Variants in COL23A1 observed in about 807,000 individuals in gnomAD.
The protein encoded by COL23A1 is collagen alpha-1(XXIII) chain.
Under a neutral mutation model 99.3 loss-of-function variants are expected in COL23A1, and 97 were observed. That is an observed-to-expected ratio of 0.98 (90% CI 0.83 to 1.16). The LOEUF (loss-of-function observed/expected upper bound fraction) is 1.16. Ranked by LOEUF, COL23A1 falls within the 50% of genes most tolerant of loss-of-function variation. COL23A1 has a pLI of 0.00. For synonymous variants in COL23A1, 320 were observed against 308.2 expected (o/e 1.04, Z -0.40); for missense variants, 762 against 757.4 (o/e 1.01, Z -0.07).
At position 178,522,785 on chromosome 5, in the gene COL23A1, G is replaced by A. The variant is rs139033967; in HGVS notation, c.361+37897C>T. On this transcript the variant is annotated intron_variant, in intron 2 of 28. Coordinates refer to ENST00000390654, the MANE Select transcript of COL23A1 (RefSeq NM_173465.4). ...ACAAGAGCACTGCCCAGGACCAGAC[G>A]TGGCCTACGGGGACTGCCAGTGAGC... Among the ~76,000 whole-genome samples, 352 of 152,208 alleles carry A rather than the reference G, an allele frequency of 2.3e-3. 2 individuals carry two copies. Among genetic ancestry groups the A allele is most frequent in the African/African-American group, 7.5e-3 (312 of 41,534 alleles).
intron 2 of COL23A1, among the ~76,000 whole-genome samples, chr5:178,385,914 A>AT (rs1763645305): frequency 6.6e-6 from 1 of 151,972 alleles, no homozygotes; most frequent in Non-Finnish European, 1.5e-5. Flanking sequence ...TATTTCACTG[A>AT]TTTTCCCTAC....
intron 2 of COL23A1, among the ~76,000 whole-genome samples, chr5:178,377,758 C>CCCTCTA (rs1763157541): frequency 6.6e-6 from 1 of 152,174 alleles, no homozygotes; most frequent in African/African-American, 2.4e-5. Context: ...GCAGGGCAGG[C>CCCTCTA]CGAGGGGACT....
At chr5:178,254,493 A>G (rs1016142958) in intron 16 of COL23A1, among the ~76,000 whole-genome samples, 18 of 151,938 alleles carry the variant, frequency 1.2e-4, no homozygotes, top group Non-Finnish European at 2.6e-4. Flanking sequence ...GCCTCTCTCC[A>G]CTGGTGGTAA....
In COL23A1 at chr5:178,258,236, A is replaced by AATATATATATATATATATATATATAT. The variant is rs70994992; in HGVS notation, c.730-695_730-670dup. Among the ~76,000 whole-genome samples the AATATATATATATATATATATATATAT allele has an allele frequency of 6.5e-4, 47 of 71,916 alleles. 1 individual carries two copies. Among genetic ancestry groups the AATATATATATATATATATATATATAT allele is most frequent in the African/African-American group, 2.1e-3 (42 of 19,842 alleles). The allele number at this position is 71,916 out of a possible 152,430, so 47.2% of individuals were successfully genotyped here. A position where few individuals can be genotyped will look rare whatever the true frequency, so the allele number is the denominator to read the frequency against. On this transcript the variant is annotated intron_variant, in intron 12 of 28. Transcript: ENST00000390654. Reference sequence around the variant, plus strand: ...GTGACAGAGTGAGATCCTGTCTTAAAATATATATATATATATATATATATA... The same window carrying AATATATATATATATATATATATATAT: ...GTGACAGAGTGAGATCCTGTCTTAAAATATATATATATATATATATATATATATATATATATATATATATATATATA...
At position 178,384,023 on chromosome 5, in the gene COL23A1, G is replaced by A. The variant is rs1036149363; in HGVS notation, c.362-77104C>T. ...CCACGCTGTGTGACACGGGGGCCCA[G>A]GACTCCACCAGGCGGCCTGTGCAAG... On this transcript the variant is annotated intron_variant, in intron 2 of 28. Coordinates refer to ENST00000390654, the MANE Select transcript of COL23A1 (RefSeq NM_173465.4). The surrounding 1 kb of genome is among the most constrained non-coding windows in gnomAD (Gnocchi z 5.5). Among the ~76,000 whole-genome samples the A allele has an allele frequency of 6.6e-6, 1 of 152,204 alleles. No individual in the cohort carries two copies.
At chr5:178,497,346 A>G (rs1174895564) in intron 2 of COL23A1, among the ~76,000 whole-genome samples, 1 of 152,200 alleles carries the variant, frequency 6.6e-6, no homozygotes, top group Non-Finnish European at 1.5e-5. Flanking sequence ...ATCCTCAGAA[A>G]TGGCTCATAT....
chr5:178,573,962 G>A (rs1029276771), intron 1 of COL23A1, among the ~76,000 whole-genome samples: 3 of 151,990 alleles, frequency 2.0e-5, no homozygotes, highest in Admixed American at 1.3e-4. Flanking sequence ...AGGTTCAAGC[G>A]ATTCTCCTGC....
chr5:178,325,757 C>T (rs1312209935), intron 2 of COL23A1, among the ~76,000 whole-genome samples: 2 of 152,236 alleles, frequency 1.3e-5, no homozygotes, highest in African/African-American at 4.8e-5. Context: ...CCAAGGTGGA[C>T]ATTCACCAAT....
intron 1 of COL23A1, among the ~76,000 whole-genome samples, chr5:178,565,434 T>C (rs1484283154): frequency 1.3e-5 from 2 of 152,178 alleles, no homozygotes; most frequent in Admixed American, 1.3e-4. Flanking sequence ...ACAGCTTCTC[T>C]GCTCCCCTTC....
chr5:178,405,032 C>T (rs1328246346), intron 2 of COL23A1, among the ~76,000 whole-genome samples: 5 of 152,350 alleles, frequency 3.3e-5, no homozygotes, highest in Admixed American at 6.5e-5. Context: ...GTGCCCCTGC[C>T]GCCATGATCC....
At chr5:178,389,629 G>A (rs1763859717) in intron 2 of COL23A1, among the ~76,000 whole-genome samples, 1 of 152,160 alleles carries the variant, frequency 6.6e-6, no homozygotes, top group Admixed American at 6.5e-5. Flanking sequence ...GACTTGCATT[G>A]GTTAAATGTG....
At chr5:178,289,911 C>T (rs1430853704) in intron 4 of COL23A1, among the ~76,000 whole-genome samples, 1 of 152,086 alleles carries the variant, frequency 6.6e-6, no homozygotes, top group Non-Finnish European at 1.5e-5. Context: ...CTGATTTTTT[C>T]CCCCCAAACA....
intron 3 of COL23A1, among the ~76,000 whole-genome samples, chr5:178,295,282 T>C (rs1185414132): frequency 6.6e-6 from 1 of 152,050 alleles, no homozygotes. Context: ...TCTCAAAACA[T>C]CAGCAACCTA....
rs964946083 is a variant in COL23A1, at chr5:178,238,711, A to G, written c.1621-11T>C. 2 of 1,612,210 alleles carry G rather than the reference A, an allele frequency of 1.2e-6. No homozygotes were observed. Among genetic ancestry groups the G allele is most frequent in the Non-Finnish European group, 1.7e-6 (2 of 1,179,986 alleles). ...TGGGCCTGTGGGTCACTGGAAAAGG[A>G]GGAAGAGACTGAAGGTGACGAGGAG... On this transcript the variant is annotated splice_polypyrimidine_tract_variant and intron_variant, in intron 28 of 28. Transcript: ENST00000390654.
At chr5:178,588,000 C>A (rs759119296) in intron 1 of COL23A1, among the ~76,000 whole-genome samples, 3 of 152,248 alleles carry the variant, frequency 2.0e-5, no homozygotes, top group Admixed American at 6.5e-5. Flanking sequence ...ACACTCCACG[C>A]ACAGCATGCG....
chr5:178,300,312 C>T (rs1241530709), intron 3 of COL23A1, among the ~76,000 whole-genome samples: 5 of 151,782 alleles, frequency 3.3e-5, no homozygotes, highest in South Asian at 2.1e-4. Context: ...GTGATCCACC[C>T]GCCTCAGCCT....
intron 2 of COL23A1, among the ~76,000 whole-genome samples, chr5:178,347,521 A>C (rs532497331): frequency 1.2e-4 from 19 of 152,134 alleles, no homozygotes; most frequent in African/African-American, 4.1e-4. Context: ...ACAGTGTGTG[A>C]ATACACTAAA....
Position 178,309,050 on chromosome 5 carries a change from A to AG in COL23A1, c.362-2132dup. On this transcript the variant is annotated intron_variant, in intron 2 of 28. Coordinates refer to ENST00000390654, the MANE Select transcript of COL23A1 (RefSeq NM_173465.4). This position sits in a 1 kb window ranked among gnomAD's most constrained non-coding sequence, Gnocchi z 4.7. Reference sequence around the variant, plus strand: ...GCAGAGTGAGGGGGCATGGCAGGAAAGGGGCCAGGAATGGGGGAAGTAGCC... The same window carrying AG: ...GCAGAGTGAGGGGGCATGGCAGGAAAGGGGGCCAGGAATGGGGGAAGTAGCC... Among the ~76,000 whole-genome samples, 1 of 152,256 alleles carries AG rather than the reference A, an allele frequency of 6.6e-6. No individual in the cohort carries two copies. Among genetic ancestry groups the AG allele is most frequent in the Non-Finnish European group, 1.5e-5 (1 of 68,010 alleles).
intron 2 of COL23A1, among the ~76,000 whole-genome samples, chr5:178,331,512 C>G (rs561267209): frequency 6.6e-6 from 1 of 152,336 alleles, no homozygotes; most frequent in East Asian, 1.9e-4. Context: ...AGGCACCCGG[C>G]CAGGTGCCTC....
Sources: gnomAD v4.1 joint callset for allele counts (sites outside exome capture counted in the v4.1 genomes callset) on GRCh38, gnomAD v4.1.1 for gene constraint, Gnocchi (gnomAD v3.1) non-coding constraint, MANE v1.5 for transcripts, NCBI Gene and HGNC (gene_info 2026-07-23, HGNC 2026-07-21) for gene names.